CAMK2D: variants seen among roughly 807,000 people sequenced by gnomAD.
CAMK2D encodes the protein calcium/calmodulin-dependent protein kinase type II subunit delta.
CAMK2D carries 37 observed loss-of-function variants against 84.0 expected under a neutral mutation model. The ratio of observed to expected loss-of-function variants is 0.44; its 90% CI spans 0.34 to 0.58. The LOEUF (loss-of-function observed/expected upper bound fraction) is 0.58. Among genes scored for constraint, CAMK2D ranks in the 20% least tolerant of loss-of-function variants. The probability of loss-of-function intolerance (pLI) is 0.02; values close to 1 mark genes in which losing one functional copy is unlikely to be tolerated. For synonymous variants in CAMK2D, 202 were observed against 212.5 expected (o/e 0.95, Z 0.43); for missense variants, 448 against 652.5 (o/e 0.69, Z 3.41).
intron 4 of CAMK2D, among the ~76,000 whole-genome samples, chr4:113,563,326 C>A (rs150658782): frequency 9.8e-5 from 15 of 152,320 alleles, no homozygotes; most frequent in African/African-American, 3.6e-4. Context: ...GGCATCATTA[C>A]TGACAAATGT....
intron 3 of CAMK2D, among the ~76,000 whole-genome samples, chr4:113,657,945 T>C (rs1275560495): frequency 1.3e-5 from 2 of 152,174 alleles, no homozygotes; most frequent in African/African-American, 4.8e-5. Flanking sequence ...CTGATATTAC[T>C]TAGATATCAT....
intron 2 of CAMK2D, among the ~76,000 whole-genome samples, chr4:113,736,476 T>C (rs2099581631): frequency 6.6e-6 from 1 of 152,200 alleles, no homozygotes. Context: ...TGTTTCTGTT[T>C]TGTTGTATTG....
intron 2 of CAMK2D, among the ~76,000 whole-genome samples, chr4:113,716,117 T>C (rs2099512566): frequency 6.6e-6 from 1 of 152,150 alleles, no homozygotes; most frequent in South Asian, 2.1e-4. Context: ...AAGAACAAAT[T>C]TTCTAAGATT....
At chr4:113,561,310 T>TA (rs2098697601) in intron 4 of CAMK2D, among the ~76,000 whole-genome samples, 2 of 152,112 alleles carry the variant, frequency 1.3e-5, no homozygotes, top group African/African-American at 4.8e-5. Flanking sequence ...CCCGTATCTA[T>TA]AAAAAATTTA....
At chr4:113,653,528 G>C (rs559834746) in intron 3 of CAMK2D, among the ~76,000 whole-genome samples, 2 of 152,116 alleles carry the variant, frequency 1.3e-5, no homozygotes, top group South Asian at 4.1e-4. Context: ...ATCAATAAGG[G>C]AGAGGTCACA....
intron 2 of CAMK2D, among the ~76,000 whole-genome samples, chr4:113,739,682 A>G (rs567319855): frequency 1.3e-5 from 2 of 152,320 alleles, no homozygotes; most frequent in African/African-American, 4.8e-5. Context: ...TAGCTAATTT[A>G]AAATCATGGT....
intron 2 of CAMK2D, among the ~76,000 whole-genome samples, chr4:113,721,220 T>C (rs58448527): frequency 0.21 from 32,529 of 152,014 alleles, 7,093 homozygotes; most frequent in African/African-American, 0.56. Flanking sequence ...ATTTAATTAC[T>C]AGTAATAAGA....
intron 16 of CAMK2D, 111 bp from the exon 17 acceptor site, chr4:113,465,715 A>T: frequency 1.5e-6 from 1 of 685,054 alleles, no homozygotes; most frequent in Non-Finnish European, 2.6e-6. Flanking sequence ...CCCATGCTGG[A>T]GTACAGTAGC....
At chr4:113,518,968 AAG>A (rs1200541564) in intron 8 of CAMK2D, among the ~76,000 whole-genome samples, 1 of 152,162 alleles carries the variant, frequency 6.6e-6, no homozygotes, top group Non-Finnish European at 1.5e-5. Flanking sequence ...GGAAAAAAAA[AAG>A]ACCATGAAGA....
intron 2 of CAMK2D, among the ~76,000 whole-genome samples, chr4:113,687,532 C>T (rs903236578): frequency 6.6e-6 from 1 of 152,164 alleles, no homozygotes; most frequent in South Asian, 2.1e-4. Context: ...ATGGACACTG[C>T]CCTCCAACTC....
chr4:113,528,775 G>A (rs4834351), intron 8 of CAMK2D, among the ~76,000 whole-genome samples: 9,337 of 152,174 alleles, frequency 0.061, 596 homozygotes, highest in East Asian at 0.21. Flanking sequence ...AGGCCACTCT[G>A]TTGCTTTTTA....
intron 16 of CAMK2D, among the ~76,000 whole-genome samples, chr4:113,479,805 G>GTTT (rs1294649480): frequency 6.6e-5 from 10 of 152,042 alleles, no homozygotes; most frequent in African/African-American, 2.4e-4. Context: ...CTGGATTTAT[G>GTTT]GACTGTTTTA....
chr4:113,620,491 TTTC>T (rs1248480343), intron 3 of CAMK2D, among the ~76,000 whole-genome samples: 36 of 152,086 alleles, frequency 2.4e-4, no homozygotes, highest in Non-Finnish European at 2.5e-4. Context: ...CTTGGTAAAC[TTTC>T]TTATTTTTTT....
At chr4:113,674,427 C>T (rs376782625) in intron 2 of CAMK2D, among the ~76,000 whole-genome samples, 5 of 152,116 alleles carry the variant, frequency 3.3e-5, no homozygotes, top group African/African-American at 1.2e-4. Context: ...ACACATTTGG[C>T]ATTGTCATAG....
intron 17 of CAMK2D, among the ~76,000 whole-genome samples, chr4:113,463,399 A>C (rs1348104983): frequency 6.6e-6 from 1 of 152,092 alleles, no homozygotes; most frequent in Non-Finnish European, 1.5e-5. Context: ...TTTTTGAGAA[A>C]GAGTTTCACT....
chr4:113,650,175 C>T (rs11934175), intron 3 of CAMK2D, among the ~76,000 whole-genome samples: 14,907 of 151,868 alleles, frequency 0.098, 2,111 homozygotes, highest in African/African-American at 0.32. Context: ...AATATAATTT[C>T]CTTTAATTCC....
At chr4:113,486,018 T>C (rs1219669412) in intron 16 of CAMK2D, among the ~76,000 whole-genome samples, 2 of 152,160 alleles carry the variant, frequency 1.3e-5, no homozygotes, top group East Asian at 1.9e-4. Flanking sequence ...AGAATGACCA[T>C]TGGTGAAGAG....
chr4:113,511,576 C>T (rs1446984161), intron 12 of CAMK2D, among the ~76,000 whole-genome samples: 1 of 152,116 alleles, frequency 6.6e-6, no homozygotes, highest in Non-Finnish European at 1.5e-5. Context: ...AATCACTCTA[C>T]CTTTTAATGA....
At chr4:113,590,729 C>T (rs190047258) in intron 4 of CAMK2D, among the ~76,000 whole-genome samples, 9 of 129,100 alleles carry the variant, frequency 7.0e-5, no homozygotes, top group Admixed American at 6.6e-4. Context: ...TAATATTTCT[C>T]TTTCATATAT....
Sources: allele counts gnomAD v4.1 joint callset (sites outside exome capture counted in the v4.1 genomes callset), GRCh38; gene constraint gnomAD v4.1.1; transcripts MANE v1.5; gene names NCBI Gene and HGNC (gene_info 2026-07-23, HGNC 2026-07-21).